EBF1: variants seen among roughly 807,000 people sequenced by gnomAD.
EBF1 encodes the protein transcription factor COE1.
Under a neutral mutation model 68.4 loss-of-function variants are expected in EBF1, and 10 were observed. That is an observed-to-expected ratio of 0.15 (90% confidence interval 0.09 to 0.25). The LOEUF (loss-of-function observed/expected upper bound fraction) is 0.25, where lower values mean the gene tolerates loss of function less well. Among genes scored for constraint, EBF1 ranks in the 10% least tolerant of loss-of-function variants. EBF1 has a pLI of 1.00. For synonymous variants in EBF1, 298 were observed against 299.8 expected (o/e 0.99, Z 0.06); for missense variants, 509 against 794.4 (o/e 0.64, Z 4.32).
chr5:158,960,988 T>C (rs530959625), intron 6 of EBF1, among the ~76,000 whole-genome samples: 6 of 151,620 alleles, frequency 4.0e-5, no homozygotes, highest in Non-Finnish European at 8.8e-5. Flanking sequence ...GAAACCTAAA[T>C]AAAAGCCCAT....
intron 6 of EBF1, among the ~76,000 whole-genome samples, chr5:158,846,365 C>T (rs1008904083): frequency 6.6e-6 from 1 of 152,214 alleles, no homozygotes; most frequent in Non-Finnish European, 1.5e-5. Context: ...CCTCCTGCCT[C>T]CATGTCCAAG....
chr5:158,997,168 G>T (rs555830924), intron 6 of EBF1, among the ~76,000 whole-genome samples: 84 of 152,220 alleles, frequency 5.5e-4, no homozygotes, highest in African/African-American at 2.0e-3. Flanking sequence ...TGAACTCAGG[G>T]CCTTTGGAGC....
chr5:159,072,850 A>G (rs186651171), intron 6 of EBF1, among the ~76,000 whole-genome samples: 13 of 152,330 alleles, frequency 8.5e-5, no homozygotes, highest in Middle Eastern at 3.4e-3. Flanking sequence ...GACAAGCAGG[A>G]TAAATTAATC....
chr5:158,856,824 G>A (rs1434197299), intron 6 of EBF1, among the ~76,000 whole-genome samples: 1 of 152,116 alleles, frequency 6.6e-6, no homozygotes, highest in Non-Finnish European at 1.5e-5. Context: ...GACAGCTTGT[G>A]CTCATAAGAA....
intron 6 of EBF1, among the ~76,000 whole-genome samples, chr5:159,056,945 A>C (rs1389485242): frequency 6.6e-6 from 1 of 152,196 alleles, no homozygotes; most frequent in Non-Finnish European, 1.5e-5. Context: ...CAAAAATTGC[A>C]ATTTGTCGCA....
At chr5:158,903,117 C>T (rs1264958898) in intron 6 of EBF1, among the ~76,000 whole-genome samples, 1 of 152,148 alleles carries the variant, frequency 6.6e-6, no homozygotes. Flanking sequence ...AAAAATTCTG[C>T]AAGGCTTTGG....
chr5:158,982,029 T>C lies in EBF1; in HGVS notation c.554+91367A>G, dbSNP rs561155751. 5.3e-4 allele frequency among the ~76,000 whole-genome samples: 80 copies of C among 152,342 alleles called. 2 individuals carry two copies. The South Asian group carries it at 0.016, about 31-fold the overall frequency. Reference sequence around the variant, plus strand: ...CCAGTTCACTCAATCAGAACTTGTTTGTGTTCCCACTATGTGCTTAAAATG... The same window carrying C: ...CCAGTTCACTCAATCAGAACTTGTTCGTGTTCCCACTATGTGCTTAAAATG... On this transcript the variant is annotated intron_variant, in intron 6 of 15. Coordinates refer to ENST00000313708, the MANE Select transcript of EBF1 (RefSeq NM_024007.5).
chr5:158,827,907 T>C (rs1786553210), intron 7 of EBF1, among the ~76,000 whole-genome samples: 1 of 152,210 alleles, frequency 6.6e-6, no homozygotes, highest in Admixed American at 6.5e-5. Flanking sequence ...TTGTGACAGT[T>C]AAGTATTTCC....
intron 4 of EBF1, among the ~76,000 whole-genome samples, chr5:159,084,951 A>G (rs1417558698): frequency 6.6e-6 from 1 of 152,164 alleles, no homozygotes; most frequent in Non-Finnish European, 1.5e-5. Flanking sequence ...CCACCTTGCC[A>G]TGATGCACAT....
At chr5:158,910,280 A>T (rs1287903954) in intron 6 of EBF1, among the ~76,000 whole-genome samples, 1 of 152,228 alleles carries the variant, frequency 6.6e-6, no homozygotes, top group African/African-American at 2.4e-5. Flanking sequence ...AGGATGAAAA[A>T]GATGGTACCA....
intron 6 of EBF1, among the ~76,000 whole-genome samples, chr5:159,052,365 A>AC (rs3062327): frequency 2.3e-4 from 34 of 150,572 alleles, no homozygotes; most frequent in African/African-American, 8.1e-4. Flanking sequence ...AAAAAAAAAA[A>AC]CCACAGCAAA....
At chr5:159,024,546 T>G (rs563897790) in intron 6 of EBF1, among the ~76,000 whole-genome samples, 13 of 152,314 alleles carry the variant, frequency 8.5e-5, no homozygotes, top group African/African-American at 3.1e-4. Context: ...CTCCTAATGT[T>G]AGGCTCTTTC....
intron 15 of EBF1, among the ~76,000 whole-genome samples, chr5:158,705,858 T>A (rs994307593): frequency 9.8e-5 from 15 of 152,336 alleles, no homozygotes; most frequent in African/African-American, 2.9e-4. Flanking sequence ...GGGGGCCTTT[T>A]CTTCTCCAGT....
chr5:159,002,221 C>CA (rs1762683727), intron 6 of EBF1, among the ~76,000 whole-genome samples: 2 of 146,668 alleles, frequency 1.4e-5, no homozygotes, highest in South Asian at 4.4e-4. Context: ...ACACAAAGTA[C>CA]AAAAATAATC....
At chr5:158,931,703 C>A (rs1342644849) in intron 6 of EBF1, among the ~76,000 whole-genome samples, 2 of 152,224 alleles carry the variant, frequency 1.3e-5, no homozygotes, top group East Asian at 3.9e-4. Flanking sequence ...GAAGTTCTAA[C>A]AAGGTGGTAA....
At chr5:159,077,940 A>G (rs1181055832) in intron 5 of EBF1, among the ~76,000 whole-genome samples, 1 of 151,814 alleles carries the variant, frequency 6.6e-6, no homozygotes, top group East Asian at 1.9e-4. Flanking sequence ...GAGTCTCACC[A>G]TGTTGCCCAG....
At chr5:158,926,446 C>T (rs1414504742) in intron 6 of EBF1, among the ~76,000 whole-genome samples, 1 of 152,160 alleles carries the variant, frequency 6.6e-6, no homozygotes, top group Non-Finnish European at 1.5e-5. Context: ...ATCTTATTGG[C>T]CGGGCGCAGT....
intron 6 of EBF1, among the ~76,000 whole-genome samples, chr5:159,052,248 A>G (rs1337688260): frequency 1.3e-5 from 2 of 150,130 alleles, no homozygotes; most frequent in Non-Finnish European, 3.0e-5. Flanking sequence ...GTATATGTGT[A>G]TTGCTTAGCA....
chr5:159,061,747 T>G (rs1775888978), intron 6 of EBF1, among the ~76,000 whole-genome samples: 1 of 151,700 alleles, frequency 6.6e-6, no homozygotes, highest in Admixed American at 6.6e-5. Context: ...TTTTTTTACG[T>G]TTCAATCCTA....
Sources: allele counts gnomAD v4.1 joint callset (sites outside exome capture counted in the v4.1 genomes callset), GRCh38; gene constraint gnomAD v4.1.1; transcripts MANE v1.5; gene names NCBI Gene and HGNC (gene_info 2026-07-23, HGNC 2026-07-21).